XYLT1: variants seen among roughly 807,000 people sequenced by gnomAD.
XYLT1 encodes xylosyltransferase 1, also known as beta-D-xylosyltransferase 1.
In XYLT1, 36 loss-of-function variants were observed where a neutral mutation model predicts 91.3. That is an observed-to-expected ratio of 0.39 (90% CI 0.30 to 0.52). The LOEUF (loss-of-function observed/expected upper bound fraction) is 0.52. XYLT1 is among the 20% of genes least tolerant of loss of function. The probability of loss-of-function intolerance (pLI) is 0.68; values close to 1 mark genes in which losing one functional copy is unlikely to be tolerated. For synonymous variants in XYLT1, 588 were observed against 532.0 expected (o/e 1.11, Z -1.45); for missense variants, 1,242 against 1,284.5 (o/e 0.97, Z 0.51).
intron 3 of XYLT1, among the ~76,000 whole-genome samples, chr16:17,216,917 G>A (rs1222252641): frequency 6.6e-6 from 1 of 152,176 alleles, no homozygotes; most frequent in Non-Finnish European, 1.5e-5. Context: ...CAACAGCAAC[G>A]AGCAGCAATA....
At chr16:17,253,265 G>A (rs1351186232) in intron 3 of XYLT1, among the ~76,000 whole-genome samples, 1 of 152,218 alleles carries the variant, frequency 6.6e-6, no homozygotes, top group African/African-American at 2.4e-5. Flanking sequence ...TATTGCAAAT[G>A]GGGGAGTCTG....
At chr16:17,231,978 A>C (rs1218958106) in intron 3 of XYLT1, among the ~76,000 whole-genome samples, 2 of 151,192 alleles carry the variant, frequency 1.3e-5, no homozygotes, top group Admixed American at 1.3e-4. Context: ...TTATGACTAC[A>C]ATGTAACTAG....
chr16:17,344,283 C>G (rs946835928), intron 2 of XYLT1, among the ~76,000 whole-genome samples: 14 of 151,174 alleles, frequency 9.3e-5, no homozygotes, highest in Admixed American at 8.6e-4. Flanking sequence ...GAGATTGAGA[C>G]CATCCTGGCT....
chr16:17,165,335 C>G (rs1201161427), intron 5 of XYLT1, among the ~76,000 whole-genome samples: 1 of 152,180 alleles, frequency 6.6e-6, no homozygotes, highest in African/African-American at 2.4e-5. Flanking sequence ...GCTTCTCTCA[C>G]TCATCAGCAC....
intron 2 of XYLT1, among the ~76,000 whole-genome samples, chr16:17,288,493 T>C (rs9923285): frequency 0.68 from 103,205 of 152,030 alleles, 37,173 homozygotes; most frequent in African/African-American, 0.93. Flanking sequence ...AGACCGACTG[T>C]ACTGATGGTC....
chr16:17,367,424 A>G (rs1292373654), intron 1 of XYLT1, among the ~76,000 whole-genome samples: 3 of 152,176 alleles, frequency 2.0e-5, no homozygotes, highest in African/African-American at 7.2e-5. Context: ...CATCCCGATA[A>G]TTAGCTTTTC....
At chr16:17,160,898 A>G (rs1368186478) in intron 5 of XYLT1, among the ~76,000 whole-genome samples, 2 of 152,192 alleles carry the variant, frequency 1.3e-5, no homozygotes, top group African/African-American at 4.8e-5. Context: ...GGCCCATTCC[A>G]ACTGCGTTTT....
At position 17,436,351 on chromosome 16, in the gene XYLT1, G is replaced by A. The variant is rs547652467; in HGVS notation, c.363+34083C>T. On this transcript the variant is annotated intron_variant, in intron 1 of 11. Coordinates refer to ENST00000261381, the MANE Select transcript of XYLT1 (RefSeq NM_022166.4). Reference sequence around the variant, plus strand: ...CCCAAGGTCATACAGACAGGAAGGGGTAAAGGGATTTGAACCAAGGCTGTC... The same window carrying A: ...CCCAAGGTCATACAGACAGGAAGGGATAAAGGGATTTGAACCAAGGCTGTC... Among the ~76,000 whole-genome samples the A allele has an allele frequency of 1.2e-4, 19 of 152,308 alleles. No homozygotes were observed. In the East Asian group the frequency reaches 3.5e-3, roughly 28 times the overall value.
rs71390593 is a variant in XYLT1 at position 17,184,185 on chromosome 16, CTTTT to C, written c.1289+14023_1289+14026del. 7.9e-3 allele frequency among the ~76,000 whole-genome samples: 854 copies of C among 107,466 alleles called. 11 individuals carry two copies. The highest frequency in any genetic ancestry group is 0.028 in the African/African-American group (759 of 26,926). The allele number at this position is 107,466 out of a possible 152,430, so 70.5% of individuals were successfully genotyped here. ...GGAGAAAAAGTCACATAAAAGACGGCTTTTTTTTTTTTTTTTTTTTGCCAATAAG... is the reference window on the plus strand; with the variant it reads ...GGAGAAAAAGTCACATAAAAGACGGCTTTTTTTTTTTTTTTTGCCAATAAG... On this transcript the variant is annotated intron_variant, in intron 5 of 11. Transcript: ENST00000261381.
At position 17,345,841 on chromosome 16, in the gene XYLT1, C is replaced by T. The variant is rs144216998; in HGVS notation, c.402+12171G>A. 9.4e-4 allele frequency among the ~76,000 whole-genome samples: 143 copies of T among 152,290 alleles called. 1 individual carries two copies. Among genetic ancestry groups the T allele is most frequent in the African/African-American group, 3.0e-3 (126 of 41,554 alleles). ...TATTATTATTTTTGAGAGAGAGTCT[C>T]GCTCTGTCACCCATGGTGGAGTACA... On this transcript the variant is annotated intron_variant, in intron 2 of 11. Coordinates refer to ENST00000261381, the MANE Select transcript of XYLT1 (RefSeq NM_022166.4).
intron 3 of XYLT1, among the ~76,000 whole-genome samples, chr16:17,237,616 C>T (rs1487471541): frequency 3.9e-5 from 6 of 152,334 alleles, no homozygotes; most frequent in South Asian, 4.1e-4. Context: ...AGAGACGCAG[C>T]GGTGTAATTA....
chr16:17,124,738 T>G (rs1010424129), intron 10 of XYLT1, among the ~76,000 whole-genome samples: 1 of 152,250 alleles, frequency 6.6e-6, no homozygotes, highest in South Asian at 2.1e-4. Flanking sequence ...CAATTATTCT[T>G]AAGTTTGGTT....
chr16:17,358,841 G>A (rs1003604379), intron 1 of XYLT1, among the ~76,000 whole-genome samples: 3 of 152,174 alleles, frequency 2.0e-5, no homozygotes, highest in African/African-American at 7.2e-5. Flanking sequence ...GAATGAGAGC[G>A]AGCAGCTTAA....
At chr16:17,308,153 T>C (rs1371811354) in intron 2 of XYLT1, among the ~76,000 whole-genome samples, 1 of 152,114 alleles carries the variant, frequency 6.6e-6, no homozygotes, top group Non-Finnish European at 1.5e-5. Flanking sequence ...GCACGGAGAA[T>C]TGAAAAGTAT....
intron 3 of XYLT1, among the ~76,000 whole-genome samples, chr16:17,208,001 T>C (rs1469646356): frequency 6.6e-6 from 1 of 152,126 alleles, no homozygotes; most frequent in Non-Finnish European, 1.5e-5. Flanking sequence ...CTTTTTCTTT[T>C]TCAGAGATTG....
chr16:17,160,427 TTG>T (rs2031520176), intron 5 of XYLT1, among the ~76,000 whole-genome samples: 1 of 152,180 alleles, frequency 6.6e-6, no homozygotes, highest in African/African-American at 2.4e-5. Context: ...TGTTCTCTCA[TTG>T]GATGACTCAT....
chr16:17,222,137 G>A (rs948132320), intron 3 of XYLT1, among the ~76,000 whole-genome samples: 2 of 152,178 alleles, frequency 1.3e-5, no homozygotes, highest in African/African-American at 4.8e-5. Flanking sequence ...CCTAGGACCC[G>A]ACCCAGATAC....
intron 1 of XYLT1, among the ~76,000 whole-genome samples, chr16:17,436,099 G>A (rs1371638848): frequency 6.6e-6 from 1 of 152,164 alleles, no homozygotes; most frequent in African/African-American, 2.4e-5. Context: ...GAGTTCCCCT[G>A]CACATGCTCT....
chr16:17,292,557 C>T lies in XYLT1; in HGVS notation c.403-33059G>A, dbSNP rs568439081. ...TTCAGAGAGGCTGGCTGATGTGGAT[C>T]CCTGTACAGCTCTGGTATAGTCAAG... On this transcript the variant is annotated intron_variant, in intron 2 of 11. Coordinates refer to ENST00000261381, the MANE Select transcript of XYLT1 (RefSeq NM_022166.4). Among the ~76,000 whole-genome samples the T allele has an allele frequency of 7.2e-5, 11 of 152,308 alleles. No homozygotes were observed. In the South Asian group the frequency reaches 1.9e-3, roughly 26 times the overall value.
Sources: gnomAD v4.1 joint callset for allele counts (sites outside exome capture counted in the v4.1 genomes callset) on GRCh38, gnomAD v4.1.1 for gene constraint, MANE v1.5 for transcripts, NCBI Gene and HGNC (gene_info 2026-07-23, HGNC 2026-07-21) for gene names.